PTPRM: variants seen among roughly 807,000 people sequenced by gnomAD.
PTPRM encodes the protein receptor-type tyrosine-protein phosphatase mu.
Under a neutral mutation model 186.7 loss-of-function variants are expected in PTPRM, and 47 were observed. That is an observed-to-expected ratio of 0.25 (90% confidence interval 0.20 to 0.32). The LOEUF (loss-of-function observed/expected upper bound fraction) is 0.32. Among genes scored for constraint, PTPRM ranks in the 10% least tolerant of loss-of-function variants. The pLI is 1.00. For missense variants in PTPRM, 1,494 were observed against 1,865.0 expected (o/e 0.80, Z 3.66); for synonymous variants, 668 against 674.9 (o/e 0.99, Z 0.16).
At chr18:7,634,811 A>G (rs2038275405) in intron 1 of PTPRM, among the ~76,000 whole-genome samples, 1 of 152,198 alleles carries the variant, frequency 6.6e-6, no homozygotes, top group Admixed American at 6.5e-5. Context: ...CATATTTCAA[A>G]TGATCTCAAT....
At chr18:8,189,225 G>A (rs145674968) in intron 14 of PTPRM, among the ~76,000 whole-genome samples, 107 of 149,746 alleles carry the variant, frequency 7.1e-4, no homozygotes, top group African/African-American at 2.6e-3. Context: ...GTCTGAGGCT[G>A]AGGCTTCAGT....
At chr18:8,067,180 C>T (rs993356145) in intron 7 of PTPRM, among the ~76,000 whole-genome samples, 8 of 152,052 alleles carry the variant, frequency 5.3e-5, no homozygotes, top group African/African-American at 1.7e-4. Flanking sequence ...TTAGAACAGT[C>T]CTGTGATGAA....
At position 8,186,971 on chromosome 18, in the gene PTPRM, C is replaced by T. The variant is rs149682252; in HGVS notation, c.2300+43192C>T. Among the ~76,000 whole-genome samples, 550 of 150,518 alleles carry T rather than the reference C, an allele frequency of 3.7e-3. 4 individuals carry two copies. The highest frequency in any genetic ancestry group is 0.013 in the African/African-American group (520 of 41,064). Reference sequence around the variant, plus strand: ...TTTTTTTTTTTTTGAGACAGAGTCTCGCTCTGTTGTGCAGGCTGGAGTGCA... The same window carrying T: ...TTTTTTTTTTTTTGAGACAGAGTCTTGCTCTGTTGTGCAGGCTGGAGTGCA... On this transcript the variant is annotated intron_variant, in intron 14 of 32. Coordinates refer to ENST00000580170, the MANE Select transcript of PTPRM (RefSeq NM_001105244.2).
At chr18:7,594,683 T>G (rs2037211905) in intron 1 of PTPRM, among the ~76,000 whole-genome samples, 1 of 152,058 alleles carries the variant, frequency 6.6e-6, no homozygotes, top group Non-Finnish European at 1.5e-5. Context: ...CCACCCAGGG[T>G]TTTATGTCAG....
At chr18:7,728,925 C>CTTT (rs113386099) in intron 1 of PTPRM, among the ~76,000 whole-genome samples, 5 of 138,610 alleles carry the variant, frequency 3.6e-5, no homozygotes, top group African/African-American at 8.1e-5. Context: ...TTCCTCCAAC[C>CTTT]TTTTTTTTTT....
At chr18:7,669,787 A>G (rs1015016431) in intron 1 of PTPRM, among the ~76,000 whole-genome samples, 2 of 152,054 alleles carry the variant, frequency 1.3e-5, no homozygotes, top group African/African-American at 4.8e-5. Context: ...CAGTGGTGCA[A>G]TCTTGGCTTA....
chr18:8,030,913 A>G (rs1165932980), intron 7 of PTPRM, among the ~76,000 whole-genome samples: 1 of 152,234 alleles, frequency 6.6e-6, no homozygotes, highest in African/African-American at 2.4e-5. Context: ...GATTAATGGT[A>G]GAATAAAATG....
chr18:8,383,222 C>T (rs995153527), intron 29 of PTPRM, among the ~76,000 whole-genome samples: 6 of 129,988 alleles, frequency 4.6e-5, no homozygotes, highest in Non-Finnish European at 9.4e-5. Context: ...CGCTTGAACC[C>T]GGGGGGCGGA....
rs148643455 is a variant in PTPRM at position 7,785,535 on chromosome 18, G to A, written c.196+11264G>A. On this transcript the variant is annotated intron_variant, in intron 2 of 32. Transcript: ENST00000580170. ...TGTGCGTTTATTACTTAATTTTTCT[G>A]TACTTTTGAAGCTAAGCAAAATTTG... is the stretch of plus-strand genomic sequence containing the variant. 2.0e-5 allele frequency among the ~76,000 whole-genome samples: 3 copies of A among 152,254 alleles called. No individual in the cohort carries two copies. The East Asian group carries it at 5.8e-4, about 29-fold the overall frequency.
chr18:7,641,077 G>T (rs1248493582), intron 1 of PTPRM, among the ~76,000 whole-genome samples: 1 of 152,160 alleles, frequency 6.6e-6, no homozygotes, highest in Non-Finnish European at 1.5e-5. Context: ...TCAACATGCA[G>T]GTCTTTTCAG....
intron 1 of PTPRM, among the ~76,000 whole-genome samples, chr18:7,618,573 TC>T (rs936384233): frequency 1.1e-4 from 16 of 152,168 alleles, no homozygotes; most frequent in African/African-American, 3.1e-4. Flanking sequence ...CAAAAATAAA[TC>T]CCCAAACCTG....
intron 1 of PTPRM, among the ~76,000 whole-genome samples, chr18:7,754,265 G>T (rs1293605155): frequency 1.3e-5 from 2 of 152,162 alleles, no homozygotes; most frequent in East Asian, 1.9e-4. Flanking sequence ...ACAGCATTCT[G>T]CTGGATCTTG....
intron 22 of PTPRM, among the ~76,000 whole-genome samples, chr18:8,335,357 A>T (rs1017953793): frequency 3.3e-5 from 5 of 151,888 alleles, no homozygotes; most frequent in African/African-American, 1.2e-4. Context: ...GCTCTTCCTG[A>T]CTTTGACTGC....
At chr18:8,226,162 A>C (rs564797357) in intron 14 of PTPRM, among the ~76,000 whole-genome samples, 1 of 152,054 alleles carries the variant, frequency 6.6e-6, no homozygotes, top group Non-Finnish European at 1.5e-5. Context: ...AAAAAAATGC[A>C]TCACTCCGTT....
At chr18:7,679,883 T>A (rs1028347197) in intron 1 of PTPRM, among the ~76,000 whole-genome samples, 14 of 152,202 alleles carry the variant, frequency 9.2e-5, no homozygotes, top group African/African-American at 3.4e-4. Context: ...TTTTATTTTT[T>A]GCGACAAGAT....
At chr18:7,861,611 G>T (rs1391814428) in intron 2 of PTPRM, among the ~76,000 whole-genome samples, 1 of 152,132 alleles carries the variant, frequency 6.6e-6, no homozygotes, top group Admixed American at 6.5e-5. Flanking sequence ...CTGTTAGGAG[G>T]TTTCTATTGC....
chr18:8,004,347 G>A (rs548976897), intron 7 of PTPRM, among the ~76,000 whole-genome samples: 36 of 152,128 alleles, frequency 2.4e-4, no homozygotes, highest in African/African-American at 8.4e-4. Flanking sequence ...TGCCATGTGA[G>A]TAATGTCTGC....
intron 22 of PTPRM, among the ~76,000 whole-genome samples, chr18:8,342,187 G>A (rs1364826628): frequency 6.6e-6 from 1 of 152,214 alleles, no homozygotes; most frequent in Non-Finnish European, 1.5e-5. Flanking sequence ...TGACTGAAGG[G>A]CCCCTTGGGT....
intron 13 of PTPRM, among the ~76,000 whole-genome samples, chr18:8,127,288 G>A (rs1361780554): frequency 6.6e-6 from 1 of 152,118 alleles, no homozygotes; most frequent in Admixed American, 6.5e-5. Context: ...GAACTTAAGG[G>A]ACAGGGTCAG....
Sources: allele counts gnomAD v4.1 joint callset (sites outside exome capture counted in the v4.1 genomes callset), GRCh38; gene constraint gnomAD v4.1.1; transcripts MANE v1.5; gene names NCBI Gene and HGNC (gene_info 2026-07-23, HGNC 2026-07-21).